DPYD: variants seen among roughly 807,000 people sequenced by gnomAD.
The protein encoded by DPYD is dihydropyrimidine dehydrogenase.
A neutral mutation model predicts 116.2 loss-of-function variants in DPYD; 109 were observed. The ratio of observed to expected loss-of-function variants is 0.94; its 90% CI spans 0.80 to 1.10. DPYD has a LOEUF of 1.10. DPYD is among the 50% of genes least tolerant of loss of function. The probability of loss-of-function intolerance (pLI) is 0.00; values close to 1 mark genes in which losing one functional copy is unlikely to be tolerated. For synonymous variants in DPYD, 440 were observed against 432.0 expected, an observed-to-expected ratio of 1.02 and a Z score of -0.23; for missense variants, 1,302 against 1,254.5, an observed-to-expected ratio of 1.04 and a Z score of -0.57.
intron 18 of DPYD, among the ~76,000 whole-genome samples, chr1:97,302,233 G>C (rs1011862016): frequency 6.6e-6 from 1 of 151,954 alleles, no homozygotes; most frequent in Non-Finnish European, 1.5e-5. Context: ...AGAATCAATG[G>C]TTTAGACAGA....
intron 5 of DPYD, among the ~76,000 whole-genome samples, chr1:97,706,167 T>C (rs1661939325): frequency 6.6e-6 from 1 of 151,968 alleles, no homozygotes. Context: ...ATAAAATAGA[T>C]TTTGATATAT....
intron 8 of DPYD, among the ~76,000 whole-genome samples, chr1:97,657,234 G>T (rs146436155): frequency 0.017 from 2,609 of 152,134 alleles, 47 homozygotes; most frequent in Middle Eastern, 0.061. Context: ...CTCCTAAAGT[G>T]CTAGGATTAC....
intron 4 of DPYD, among the ~76,000 whole-genome samples, chr1:97,738,950 G>A (rs1232987180): frequency 5.3e-5 from 8 of 151,926 alleles, no homozygotes; most frequent in Non-Finnish European, 4.4e-5. Context: ...AATAAATGAA[G>A]TGTGTACTCA....
At chr1:97,290,805 G>T (rs1438340613) in intron 18 of DPYD, among the ~76,000 whole-genome samples, 1 of 152,150 alleles carries the variant, frequency 6.6e-6, no homozygotes, top group East Asian at 1.9e-4. Context: ...AACACCAAAA[G>T]CAATGGCAAC....
intron 18 of DPYD, among the ~76,000 whole-genome samples, chr1:97,269,130 T>C (rs1180955657): frequency 6.6e-6 from 1 of 152,204 alleles, no homozygotes; most frequent in Non-Finnish European, 1.5e-5. Flanking sequence ...TCCTAGAACA[T>C]AGACACAATT....
chr1:97,604,748 G>A (rs1655478418), intron 8 of DPYD, among the ~76,000 whole-genome samples: 1 of 151,824 alleles, frequency 6.6e-6, no homozygotes, highest in Non-Finnish European at 1.5e-5. Context: ...CCTTCTAAAG[G>A]GCATTCTTGA....
intron 19 of DPYD, among the ~76,000 whole-genome samples, chr1:97,217,635 CAA>C (rs775186309): frequency 2.1e-4 from 28 of 131,130 alleles, no homozygotes; most frequent in African/African-American, 2.5e-4. Context: ...TTATCTGTAC[CAA>C]AAAAAAAAAA....
intron 20 of DPYD, among the ~76,000 whole-genome samples, chr1:97,163,742 G>T (rs149283296): frequency 4.4e-4 from 67 of 152,242 alleles, no homozygotes; most frequent in African/African-American, 1.5e-3. Context: ...TCTCATTCAT[G>T]AGTTTGGAGC....
intron 20 of DPYD, among the ~76,000 whole-genome samples, chr1:97,187,895 T>G (rs1658106112): frequency 6.6e-6 from 1 of 152,182 alleles, no homozygotes; most frequent in Non-Finnish European, 1.5e-5. Flanking sequence ...TATGTGGCTT[T>G]CTTTCTGGGT....
intron 1 of DPYD, among the ~76,000 whole-genome samples, chr1:97,916,452 A>C (rs1315285690): frequency 2.0e-5 from 3 of 152,140 alleles, no homozygotes; most frequent in Non-Finnish European, 4.4e-5. Context: ...TCCTTGTGAT[A>C]GTTTGCTGAG....
At chr1:97,361,515 A>C (rs1024726821) in intron 16 of DPYD, among the ~76,000 whole-genome samples, 1 of 152,250 alleles carries the variant, frequency 6.6e-6, no homozygotes, top group Non-Finnish European at 1.5e-5. Context: ...AGAGAATTTT[A>C]GACCAAAAAC....
At position 97,104,796 on chromosome 1, in the gene DPYD, A is replaced by C. The variant is rs1001829317; in HGVS notation, c.2623-6164T>G. ...AAGCTACAAGAGGGTGAGGCACTTC[A>C]CCTGTGAAAAGCAGGCAGAACACAT... On this transcript the variant is annotated intron_variant, in intron 20 of 22. Transcript: ENST00000370192. 7.9e-5 allele frequency among the ~76,000 whole-genome samples: 12 copies of C among 152,242 alleles called. 1 individual carries two copies. In the South Asian group the frequency reaches 2.3e-3, roughly 29 times the overall value.
At chr1:97,367,742 T>C (rs529394638) in intron 16 of DPYD, among the ~76,000 whole-genome samples, 2 of 152,260 alleles carry the variant, frequency 1.3e-5, no homozygotes, top group South Asian at 2.1e-4. Flanking sequence ...TAAATAGTTG[T>C]TCACTCTTTA....
intron 13 of DPYD, among the ~76,000 whole-genome samples, chr1:97,500,895 C>T (rs1679538871): frequency 6.6e-6 from 1 of 152,094 alleles, no homozygotes; most frequent in African/African-American, 2.4e-5. Context: ...CAAGCTGCTT[C>T]CCAGACATCA....
At chr1:97,568,667 T>C (rs749029825) in intron 11 of DPYD, among the ~76,000 whole-genome samples, 38 of 151,974 alleles carry the variant, frequency 2.5e-4, no homozygotes, top group Admixed American at 1.3e-3. Context: ...TTCAGAGCAA[T>C]AGAATAATAG....
chr1:97,120,172 T>C (rs1409072189), intron 20 of DPYD, among the ~76,000 whole-genome samples: 1 of 152,228 alleles, frequency 6.6e-6, no homozygotes, highest in Non-Finnish European at 1.5e-5. Flanking sequence ...CCTTTCTTCA[T>C]ATAAGTTTGT....
At chr1:97,493,723 T>C (rs1261700953) in intron 13 of DPYD, among the ~76,000 whole-genome samples, 10 of 152,130 alleles carry the variant, frequency 6.6e-5, no homozygotes, top group Admixed American at 5.2e-4. Flanking sequence ...CCTAAAATAA[T>C]GGAATTAAAA....
At chr1:97,364,038 G>GATATCTATATCT (rs562655220) in intron 16 of DPYD, among the ~76,000 whole-genome samples, 2 of 151,992 alleles carry the variant, frequency 1.3e-5, no homozygotes, top group Non-Finnish European at 2.9e-5. Context: ...AGTATTCCAT[G>GATATCTATATCT]ATATCTATAT....
chr1:97,879,061 C>T (rs1295193818), intron 2 of DPYD, among the ~76,000 whole-genome samples: 1 of 151,964 alleles, frequency 6.6e-6, no homozygotes, highest in Non-Finnish European at 1.5e-5. Flanking sequence ...AAAGAGCTCT[C>T]TGGCAATTGC....
Sources: allele counts gnomAD v4.1 joint callset (sites outside exome capture counted in the v4.1 genomes callset), GRCh38; gene constraint gnomAD v4.1.1; transcripts MANE v1.5; gene names NCBI Gene and HGNC (gene_info 2026-07-23, HGNC 2026-07-21).